The following STYXL2 variants were observed in gnomAD, a reference collection of about 807,000 sequenced individuals.
STYXL2 encodes the protein serine/threonine/tyrosine-interacting-like protein 2.
STYXL2 carries 44 observed loss-of-function variants against 52.4 expected under a neutral mutation model. That is an observed-to-expected ratio of 0.84 (90% CI 0.66 to 1.08). STYXL2 has a LOEUF of 1.08. STYXL2 is among the 50% of genes least tolerant of loss of function. The pLI, the probability that STYXL2 is intolerant of heterozygous loss-of-function variation, is 0.00. For missense variants in STYXL2, 1,604 were observed against 1,471.7 expected, an observed-to-expected ratio of 1.09 and a Z score of -1.47; for synonymous variants, 604 against 586.9, an observed-to-expected ratio of 1.03 and a Z score of -0.42.
At chr1:167,119,049 T>C (rs1667790830) in intron 4 of STYXL2, among the ~76,000 whole-genome samples, 200 bp from the exon 5 acceptor site, 1 of 152,202 alleles carries the variant, frequency 6.6e-6, no homozygotes, top group Non-Finnish European at 1.5e-5. Context: ...TAACTGCATG[T>C]CTTTTCTCCC....
intron 2 of STYXL2, among the ~76,000 whole-genome samples, chr1:167,104,558 T>C (rs1006050345): frequency 2.0e-5 from 3 of 152,206 alleles, no homozygotes; most frequent in Admixed American, 1.3e-4. Flanking sequence ...CTTTGGGAAA[T>C]GGCTCCTCCT....
At chr1:167,108,770 T>C (rs1667557983) in intron 2 of STYXL2, among the ~76,000 whole-genome samples, 1 of 152,076 alleles carries the variant, frequency 6.6e-6, no homozygotes. Flanking sequence ...CCAGGAAAAC[T>C]GAAACAATTC....
chr1:167,107,714 C>A (rs774218448), intron 2 of STYXL2, among the ~76,000 whole-genome samples: 4 of 152,120 alleles, frequency 2.6e-5, no homozygotes. Context: ...GCTAGGAACA[C>A]AATGGTCAAC....
chr1:167,120,829 CATAT>C (rs71587032), intron 5 of STYXL2, among the ~76,000 whole-genome samples: 31 of 115,070 alleles, frequency 2.7e-4, no homozygotes, highest in Admixed American at 4.0e-4. Context: ...GTGTAAATTA[CATAT>C]ATATATATAT....
chr1:167,126,863 G>C lies in STYXL2; in HGVS notation c.1732G>C (p.Glu578Gln), dbSNP rs756472833. ...GCCCGGTGCAGAGGAGGCAGTAGGG[G>C]AGAAGAACCCCTCCGACGTCAGCCT... Reference protein sequence around the residue: ...GEPGAEEAVGEKNPSDVSLTA... With the variant: ...GEPGAEEAVGQKNPSDVSLTA... The change falls in exon 6 of 6, where the codon GAG (glutamate) becomes CAG (glutamine). Residue 578 changes from glutamate (E) to glutamine (Q), a missense_variant. Coordinates refer to ENST00000361200, the MANE Select transcript of STYXL2 (RefSeq NM_001080426.3). 6 of 1,613,992 alleles carry C rather than the reference G, an allele frequency of 3.7e-6. No individual in the cohort carries two copies. Among genetic ancestry groups the C allele is most frequent in the Non-Finnish European group, 5.1e-6 (6 of 1,179,916 alleles).
intron 2 of STYXL2, among the ~76,000 whole-genome samples, chr1:167,112,270 T>C (rs1041533320): frequency 2.0e-5 from 3 of 152,168 alleles, no homozygotes; most frequent in Non-Finnish European, 4.4e-5. Flanking sequence ...GGTCTGGCCA[T>C]GTCCTGGGTA....
intron 2 of STYXL2, among the ~76,000 whole-genome samples, chr1:167,102,267 T>A (rs1361113376): frequency 1.3e-5 from 2 of 151,552 alleles, no homozygotes; most frequent in Non-Finnish European, 2.9e-5. Flanking sequence ...TTTAAATTTG[T>A]GCAGTTTGTA....
At chr1:167,116,120 T>TTCTC (rs796956607) in intron 3 of STYXL2, among the ~76,000 whole-genome samples, 1 of 151,842 alleles carries the variant, frequency 6.6e-6, no homozygotes, top group Non-Finnish European at 1.5e-5. Context: ...CCAGCTTCTT[T>TTCTC]TCTCTCTCTC....
chr1:167,126,148 C>T lies in STYXL2; in HGVS notation c.1017C>T (p.Leu339=). ...AGGCCACCCAGGCCTCCAAGCCCCT[C>T]ACCCTCATAGACGAGGAGGAGGAGG... The part of the protein sequence containing the change: ...LGKATQASKP[L]TLIDEEEEEK... Residue 339 remains leucine (L), a synonymous_variant, in exon 6 of 6, where the codon CTC becomes CTT. Transcript: ENST00000361200. 2.0e-6 allele frequency: 3 copies of T among 1,512,996 alleles called. No individual in the cohort carries two copies. The highest frequency in any genetic ancestry group is 1.8e-4 in the Middle Eastern group (1 of 5,600). The allele number at this position is 1,512,996 out of a possible 1,614,324, so 93.7% of individuals were successfully genotyped here.
intron 2 of STYXL2, among the ~76,000 whole-genome samples, chr1:167,100,234 C>G (rs187591181): frequency 1.8e-4 from 28 of 152,346 alleles, no homozygotes; most frequent in African/African-American, 6.0e-4. Flanking sequence ...AGCAAGAACT[C>G]ATTCCCATGA....
At chr1:167,110,054 G>A (rs1467200859) in intron 2 of STYXL2, among the ~76,000 whole-genome samples, 1 of 152,096 alleles carries the variant, frequency 6.6e-6, no homozygotes, top group African/African-American at 2.4e-5. Flanking sequence ...AGGATTCTTT[G>A]TAGACACTCC....
rs1265277535 is a variant in STYXL2 at position 167,127,895 on chromosome 1, G to A, written c.2764G>A (p.Ala922Thr). The A allele has an allele frequency of 3.7e-6, 6 of 1,614,010 alleles. No individual in the cohort carries two copies. The highest frequency in any genetic ancestry group is 4.2e-6 in the Non-Finnish European group (5 of 1,180,050). The change falls in exon 6 of 6, where the codon GCA (alanine) becomes ACA (threonine). Residue 922 changes from alanine to threonine, a missense_variant. Physicochemically the swap from Ala to Thr is moderately conservative, Grantham distance 58. Transcript: ENST00000361200. ...CTCCCTGGCTGTCTGTGATCACTATGCAAGTGGCAGCAGAGTTGGCAAAGA... is the reference window on the plus strand; with the variant it reads ...CTCCCTGGCTGTCTGTGATCACTATACAAGTGGCAGCAGAGTTGGCAAAGA... Reference protein sequence around the residue: ...CSSLAVCDHYASGSRVGKEMD... With the variant: ...CSSLAVCDHYTSGSRVGKEMD...
At chr1:167,103,129 T>G (rs572141172) in intron 2 of STYXL2, among the ~76,000 whole-genome samples, 1 of 152,090 alleles carries the variant, frequency 6.6e-6, no homozygotes, top group Admixed American at 6.5e-5. Flanking sequence ...TCTCTGCCAC[T>G]CCTTCAAAAG....
intron 5 of STYXL2, 50 bp downstream of exon 5, chr1:167,119,516 T>C (rs747771933): frequency 6.5e-7 from 1 of 1,529,756 alleles, no homozygotes; most frequent in Non-Finnish European, 9.0e-7. Context: ...GGGGGAAAAG[T>C]AATGTGGGGA....
At chr1:167,109,309 A>G (rs1357657240) in intron 2 of STYXL2, among the ~76,000 whole-genome samples, 1 of 152,152 alleles carries the variant, frequency 6.6e-6, no homozygotes, top group Non-Finnish European at 1.5e-5. Flanking sequence ...ATCCCTGCTT[A>G]CCGGCTGCCT....
rs149689505 is a variant in STYXL2, at chr1:167,126,931, G to A, written c.1800G>A (p.Val600=). The A allele has an allele frequency of 1.3e-4, 203 of 1,611,692 alleles. 1 individual carries two copies. In the African/African-American group the frequency reaches 2.5e-3, roughly 20 times the overall value. The change falls in exon 6 of 6, where the codon GTG becomes GTA. Residue 600 remains valine, a synonymous_variant. Transcript: ENST00000361200. ...GGAAGCTGAAACACCAGAAGAAGGT[G>A]GGCAGTGAGAACAAGGAGGAGGTGG... ...QAWKLKHQKK[V]GSENKEEVVE...
Position 167,117,509 on chromosome 1 carries a change from G to C in STYXL2, c.387G>C (p.Ala129=), listed in dbSNP as rs370198107. The C allele has an allele frequency of 1.2e-6, 2 of 1,610,510 alleles. No individual in the cohort carries two copies. The highest frequency in any genetic ancestry group is 2.7e-5 in the African/African-American group (2 of 74,966). The change falls in exon 4 of 6, where the codon GCG becomes GCC. Residue 129 remains alanine, a synonymous_variant. Transcript: ENST00000361200. ...QRALVQDRQE[A]PWNEVDEVWP... The stretch of plus-strand genomic sequence containing the variant: ...CCCTGGTTCAGGATCGCCAAGAGGC[G>C]CCCTGGAATGAGGTGGATGAGGTCT...
At chr1:167,115,242 G>A (rs1243028921) in intron 3 of STYXL2, among the ~76,000 whole-genome samples, 1 of 152,150 alleles carries the variant, frequency 6.6e-6, no homozygotes, top group Admixed American at 6.6e-5. Context: ...GGGCTATAGG[G>A]AGAGAAAAAA....
intron 2 of STYXL2, among the ~76,000 whole-genome samples, chr1:167,096,036 G>T (rs766182671): frequency 1.3e-5 from 2 of 151,934 alleles, no homozygotes; most frequent in African/African-American, 2.4e-5. Context: ...GAGGTGGGAG[G>T]ATCATGAGGT....
Sources: gnomAD v4.1 joint callset for allele counts (sites outside exome capture counted in the v4.1 genomes callset) on GRCh38, gnomAD v4.1.1 for gene constraint, MANE v1.5 for transcripts, NCBI Gene and HGNC (gene_info 2026-07-23, HGNC 2026-07-21) for gene names.